TRPS1: variants seen among roughly 807,000 people sequenced by gnomAD.
TRPS1 encodes the protein zinc finger transcription factor Trps1.
Under a neutral mutation model 101.2 loss-of-function variants are expected in TRPS1, and 6 were observed. The ratio of observed to expected loss-of-function variants is 0.06; its 90% CI spans 0.03 to 0.12. The LOEUF is 0.12. Among genes scored for constraint, TRPS1 ranks in the 10% least tolerant of loss-of-function variants. TRPS1 has a pLI of 1.00. For missense variants in TRPS1, 1,363 were observed against 1,567.0 expected, an observed-to-expected ratio of 0.87 and a Z score of 2.20; for synonymous variants, 578 against 589.8, an observed-to-expected ratio of 0.98 and a Z score of 0.29.
At chr8:115,537,374 C>T (rs553725862) in intron 5 of TRPS1, among the ~76,000 whole-genome samples, 131 of 152,198 alleles carry the variant, frequency 8.6e-4, no homozygotes, top group African/African-American at 2.7e-3. Flanking sequence ...ATCTTAAACA[C>T]AAGCAGCCAA....
chr8:115,603,835 T>C (rs1185818523), intron 4 of TRPS1, 38 bp downstream of exon 4: 1 of 1,610,544 alleles, frequency 6.2e-7, no homozygotes, highest in South Asian at 1.1e-5. Context: ...TATTATTTTA[T>C]TTGTATATTC....
At chr8:115,609,672 T>G (rs1279681080) in intron 3 of TRPS1, among the ~76,000 whole-genome samples, 8 of 152,192 alleles carry the variant, frequency 5.3e-5, no homozygotes. Context: ...GTCCTTTGAT[T>G]GTGAATTAAA....
At chr8:115,494,435 C>T (rs543236062) in intron 5 of TRPS1, among the ~76,000 whole-genome samples, 2 of 152,082 alleles carry the variant, frequency 1.3e-5, no homozygotes, top group Non-Finnish European at 2.9e-5. Flanking sequence ...AAAAGCAAGT[C>T]GAGAGGAGGC....
intron 5 of TRPS1, among the ~76,000 whole-genome samples, chr8:115,431,503 G>C (rs1271128916): frequency 6.6e-6 from 1 of 151,700 alleles, no homozygotes; most frequent in African/African-American, 2.4e-5. Context: ...CTCTCCTTTT[G>C]ACTGCATTCT....
chr8:115,603,900 A>G lies in TRPS1; in HGVS notation c.2069T>C (p.Val690Ala), dbSNP rs1586447986. Residue 690 changes from valine (V) to alanine (A), a missense_variant, in exon 4 of 7, where the codon GTG becomes GCG. Physicochemically the swap from Val to Ala is moderately conservative, Grantham distance 64. This residue lies in a region of TRPS1 where 1,020 missense variants were observed against 1,073.0 expected (regional missense o/e 0.95). Coordinates refer to ENST00000395715, the MANE Select transcript of TRPS1 (RefSeq NM_014112.5). ...GTAGTGTCGGGAAATCTCTTCTTCC[A>G]CTTGGGTAATAAAATCACATTTGGT... ...SCTKCDFITQ[V>A]EEEISRHYRR... 1 of 1,613,588 alleles carries G rather than the reference A, an allele frequency of 6.2e-7. No homozygotes were observed. Among genetic ancestry groups the G allele is most frequent in the Non-Finnish European group, 8.5e-7 (1 of 1,179,862 alleles).
At chr8:115,629,836 G>A (rs1818599686) in intron 1 of TRPS1, among the ~76,000 whole-genome samples, 1 of 151,780 alleles carries the variant, frequency 6.6e-6, no homozygotes, top group Non-Finnish European at 1.5e-5. Context: ...CACTCAGTCT[G>A]TGTCCCCAGA....
In TRPS1 at chr8:115,489,771, T is replaced by G. The variant is rs191308665; in HGVS notation, c.2701-71319A>C. On this transcript the variant is annotated intron_variant, in intron 5 of 6. Transcript: ENST00000395715. Reference sequence around the variant, plus strand: ...AAAGAGCTCCTTTAAAATTAAGGCTTTCTGAAAGACATTCAAATCATTTTT... The same window carrying G: ...AAAGAGCTCCTTTAAAATTAAGGCTGTCTGAAAGACATTCAAATCATTTTT... Among the ~76,000 whole-genome samples, 34 of 152,224 alleles carry G rather than the reference T, an allele frequency of 2.2e-4. 1 individual carries two copies. The East Asian group carries it at 5.4e-3, about 24-fold the overall frequency.
chr8:115,485,446 A>T (rs1005296940), intron 5 of TRPS1, among the ~76,000 whole-genome samples: 1 of 152,182 alleles, frequency 6.6e-6, no homozygotes, highest in Non-Finnish European at 1.5e-5. Context: ...CCTACAAAAA[A>T]CTGTGAGATA....
chr8:115,579,400 T>A, intron 5 of TRPS1, among the ~76,000 whole-genome samples: 1 of 150,788 alleles, frequency 6.6e-6, no homozygotes, highest in African/African-American at 2.4e-5. Context: ...TTCTATGTGC[T>A]TTGTCTACCA....
intron 5 of TRPS1, among the ~76,000 whole-genome samples, chr8:115,459,973 A>G (rs1347852700): frequency 6.6e-6 from 1 of 152,212 alleles, no homozygotes; most frequent in Admixed American, 6.5e-5. Context: ...ATACATATAT[A>G]ATAATATACT....
At chr8:115,574,398 A>G (rs1465130447) in intron 5 of TRPS1, among the ~76,000 whole-genome samples, 2 of 152,176 alleles carry the variant, frequency 1.3e-5, no homozygotes, top group African/African-American at 4.8e-5. Context: ...TCCCACAAAC[A>G]GAAGTGTGTC....
intron 4 of TRPS1, among the ~76,000 whole-genome samples, chr8:115,603,093 AG>A (rs1231347272): frequency 6.6e-6 from 1 of 152,182 alleles, no homozygotes; most frequent in African/African-American, 2.4e-5. Context: ...CTGGTACAAT[AG>A]GATTTTTGAA....
At chr8:115,566,832 A>G (rs1385967331) in intron 5 of TRPS1, among the ~76,000 whole-genome samples, 2 of 152,122 alleles carry the variant, frequency 1.3e-5, no homozygotes, top group African/African-American at 4.8e-5. Flanking sequence ...TTTAGTGCCT[A>G]TAATTTCATC....
intron 5 of TRPS1, among the ~76,000 whole-genome samples, chr8:115,463,319 T>C (rs1814235003): frequency 6.6e-6 from 1 of 152,164 alleles, no homozygotes; most frequent in Non-Finnish European, 1.5e-5. Context: ...TTAAATTTAG[T>C]ATAAGCAATT....
chr8:115,521,793 A>G (rs892007599), intron 5 of TRPS1, among the ~76,000 whole-genome samples: 1 of 151,952 alleles, frequency 6.6e-6, no homozygotes. Context: ...TATGCAATTA[A>G]GGTAAATATT....
At chr8:115,599,954 C>A (rs1377604699) in intron 4 of TRPS1, among the ~76,000 whole-genome samples, 1 of 152,178 alleles carries the variant, frequency 6.6e-6, no homozygotes, top group Non-Finnish European at 1.5e-5. Flanking sequence ...TACACTCCCA[C>A]CAACAGTGTA....
intron 5 of TRPS1, among the ~76,000 whole-genome samples, chr8:115,499,029 A>G (rs573321605): frequency 3.5e-4 from 54 of 152,186 alleles, no homozygotes; most frequent in Non-Finnish European, 6.6e-4. Context: ...TTTCTCAGAA[A>G]TCAGATACTA....
intron 5 of TRPS1, among the ~76,000 whole-genome samples, chr8:115,420,356 TG>T (rs1266650248): frequency 6.6e-6 from 1 of 152,252 alleles, no homozygotes; most frequent in Non-Finnish European, 1.5e-5. Context: ...CAAAGTAAGC[TG>T]GGAGCCTAGT....
At chr8:115,464,298 C>G (rs1446907383) in intron 5 of TRPS1, among the ~76,000 whole-genome samples, 1 of 152,000 alleles carries the variant, frequency 6.6e-6, no homozygotes, top group Non-Finnish European at 1.5e-5. Context: ...ATATTATTTC[C>G]CTGTTTGATT....
Sources: gnomAD v4.1 joint callset for allele counts (sites outside exome capture counted in the v4.1 genomes callset) on GRCh38, gnomAD v4.1.1 for gene constraint, gnomAD v4.1.1 regional missense constraint, MANE v1.5 for transcripts, NCBI Gene and HGNC (gene_info 2026-07-23, HGNC 2026-07-21) for gene names.